Variants in SLC9C1 observed in about 807,000 individuals in gnomAD.
The protein encoded by SLC9C1 is sodium/hydrogen exchanger 10.
In SLC9C1, 97 loss-of-function variants were observed where a neutral mutation model predicts 140.9. That is an observed-to-expected ratio of 0.69 (90% CI 0.58 to 0.82). SLC9C1 has a LOEUF of 0.82. Among genes scored for constraint, SLC9C1 ranks in the 40% least tolerant of loss-of-function variants. The pLI is 0.00. For missense variants in SLC9C1, 1,340 were observed against 1,389.3 expected, an observed-to-expected ratio of 0.96 and a Z score of 0.56; for synonymous variants, 440 against 442.6, an observed-to-expected ratio of 0.99 and a Z score of 0.07.
chr3:112,207,258 T>C (rs4282034), intron 16 of SLC9C1, among the ~76,000 whole-genome samples: 15,764 of 152,226 alleles, frequency 0.1, 870 homozygotes, highest in East Asian at 0.2. Flanking sequence ...TGGGTTTCCA[T>C]TGAAATTCTG....
intron 17 of SLC9C1, 77 bp from the exon 18 acceptor site, chr3:112,202,476 T>C: frequency 1.4e-6 from 2 of 1,403,178 alleles, no homozygotes; most frequent in Non-Finnish European, 1.9e-6. Flanking sequence ...TTAATCAAAA[T>C]AGTTAATAAT....
chr3:112,217,896 G>T (rs1006847617), intron 14 of SLC9C1, among the ~76,000 whole-genome samples: 2 of 152,132 alleles, frequency 1.3e-5, no homozygotes, highest in Non-Finnish European at 2.9e-5. Context: ...GTCTGGTATG[G>T]CAATGGACAA....
chr3:112,150,422 C>T (rs2074923259), intron 28 of SLC9C1, among the ~76,000 whole-genome samples: 1 of 152,132 alleles, frequency 6.6e-6, no homozygotes, highest in Non-Finnish European at 1.5e-5. Flanking sequence ...CTACTTCTCT[C>T]ATATACTGGG....
At chr3:112,265,389 T>C (rs2079888915) in intron 8 of SLC9C1, among the ~76,000 whole-genome samples, 1 of 152,154 alleles carries the variant, frequency 6.6e-6, no homozygotes, top group Non-Finnish European at 1.5e-5. Flanking sequence ...CATTTAATTT[T>C]GCCTAAGTGC....
At chr3:112,204,495 T>C (rs1330210010) in intron 16 of SLC9C1, 92 bp from the exon 17 acceptor site, 1 of 1,330,336 alleles carries the variant, frequency 7.5e-7, no homozygotes, top group African/African-American at 1.5e-5. Context: ...GTTAGGCTTT[T>C]CTCTTATCTA....
chr3:112,268,567 T>TA (rs1383236807), intron 7 of SLC9C1, among the ~76,000 whole-genome samples: 1 of 152,218 alleles, frequency 6.6e-6, no homozygotes, highest in African/African-American at 2.4e-5. Flanking sequence ...TGCTGGCTGA[T>TA]AAAAATACCG....
intron 25 of SLC9C1, 36 bp downstream of exon 25, chr3:112,168,841 A>G: frequency 6.6e-7 from 1 of 1,509,648 alleles, no homozygotes; most frequent in Non-Finnish European, 8.9e-7. Context: ...GACATATGGC[A>G]TATTGATCTG....
At chr3:112,213,664 A>T (rs2078272503) in intron 15 of SLC9C1, among the ~76,000 whole-genome samples, 1 of 152,232 alleles carries the variant, frequency 6.6e-6, no homozygotes, top group Non-Finnish European at 1.5e-5. Context: ...TAGCTATCCT[A>T]AATATATATG....
At chr3:112,200,650 T>C in intron 19 of SLC9C1, 61 bp downstream of exon 19, 3 of 1,475,910 alleles carry the variant, frequency 2.0e-6, no homozygotes, top group Non-Finnish European at 1.9e-6. Context: ...TGAAAACCAT[T>C]GCCTTTCTGA....
intron 6 of SLC9C1, among the ~76,000 whole-genome samples, chr3:112,271,208 G>T (rs1305953390): frequency 6.6e-6 from 1 of 151,912 alleles, no homozygotes; most frequent in Admixed American, 6.6e-5. Flanking sequence ...TGATTAACAG[G>T]TGCAAAGTTT....
At chr3:112,242,549 A>C (rs2079164574) in intron 11 of SLC9C1, among the ~76,000 whole-genome samples, 1 of 152,142 alleles carries the variant, frequency 6.6e-6, no homozygotes. Flanking sequence ...GTGGGGAGGT[A>C]AGGGGAAATT....
intron 20 of SLC9C1, among the ~76,000 whole-genome samples, chr3:112,184,675 T>C (rs1375238460): frequency 1.3e-5 from 2 of 152,220 alleles, no homozygotes; most frequent in Admixed American, 6.5e-5. Flanking sequence ...GCAGTGGGGC[T>C]GCAAGCCCTT....
chr3:112,211,705 C>T (rs965794093), intron 15 of SLC9C1, among the ~76,000 whole-genome samples: 122 of 152,310 alleles, frequency 8.0e-4, no homozygotes, highest in African/African-American at 2.6e-3. Context: ...ATAAAGTGGC[C>T]GGGAGGCTCA....
intron 23 of SLC9C1, among the ~76,000 whole-genome samples, chr3:112,176,648 C>G (rs2077342479): frequency 6.6e-6 from 1 of 152,122 alleles, no homozygotes; most frequent in Non-Finnish European, 1.5e-5. Flanking sequence ...ATTATTTTAT[C>G]TTCTTCTGAA....
In SLC9C1 at chr3:112,192,965, A is replaced by C. The variant is rs945253571; in HGVS notation, c.2523+6356T>G. On this transcript the variant is annotated intron_variant, in intron 20 of 28. Transcript: ENST00000305815. ...TGGAACAATTGCCTCTTTGAATTTT[A>C]TGAAGTAGGTTTCATAGGGAAAGAC... Among the ~76,000 whole-genome samples the C allele has an allele frequency of 1.4e-4, 21 of 152,114 alleles. 1 individual carries two copies. The highest frequency in any genetic ancestry group is 5.1e-4 in the African/African-American group (21 of 41,444).
chr3:112,286,556 G>T, intron 2 of SLC9C1, 148 bp downstream of exon 2: 1 of 587,548 alleles, frequency 1.7e-6, no homozygotes, highest in Non-Finnish European at 2.8e-6. Flanking sequence ...ATTATTATTG[G>T]ATTCATTTGA....
At chr3:112,236,873 C>T (rs148398970) in intron 12 of SLC9C1, among the ~76,000 whole-genome samples, 4,325 of 152,282 alleles carry the variant, frequency 0.028, 162 homozygotes, top group East Asian at 0.16. Context: ...CTGAGGAGTG[C>T]TTTACTTCCA....
chr3:112,206,712 A>C (rs1179227189), intron 16 of SLC9C1, among the ~76,000 whole-genome samples: 5 of 152,112 alleles, frequency 3.3e-5, no homozygotes, highest in Non-Finnish European at 5.9e-5. Context: ...ATGAAGCTGG[A>C]AACCATCATT....
intron 23 of SLC9C1, 67 bp downstream of exon 23, chr3:112,179,464 A>G (rs990070905): frequency 3.3e-6 from 5 of 1,493,178 alleles, no homozygotes; most frequent in Non-Finnish European, 3.6e-6. Context: ...ACTAAATACT[A>G]AAATAACCTT....
Sources: gnomAD v4.1 joint callset for allele counts (sites outside exome capture counted in the v4.1 genomes callset) on GRCh38, gnomAD v4.1.1 for gene constraint, MANE v1.5 for transcripts, NCBI Gene and HGNC (gene_info 2026-07-23, HGNC 2026-07-21) for gene names.